CNTNAP5: variants seen among roughly 807,000 people sequenced by gnomAD.
CNTNAP5 encodes the protein contactin-associated protein-like 5.
Under a neutral mutation model 150.2 loss-of-function variants are expected in CNTNAP5, and 72 were observed. That is an observed-to-expected ratio of 0.48 (90% CI 0.40 to 0.58). The LOEUF is 0.58. Among genes scored for constraint, CNTNAP5 ranks in the 20% least tolerant of loss-of-function variants. The pLI is 0.00. For missense variants in CNTNAP5, 1,636 were observed against 1,626.2 expected (o/e 1.01, Z -0.10); for synonymous variants, 672 against 619.8 (o/e 1.08, Z -1.25).
At chr2:124,220,398 A>G (rs1686274168) in intron 1 of CNTNAP5, among the ~76,000 whole-genome samples, 2 of 152,048 alleles carry the variant, frequency 1.3e-5, no homozygotes, top group Admixed American at 1.3e-4. Context: ...TTCCTTTCTT[A>G]TTTCATTAGC....
intron 13 of CNTNAP5, chr2:124,680,833 A>C (rs2105068384): frequency 6.6e-6 from 1 of 151,938 alleles, no homozygotes; most frequent in Non-Finnish European, 1.5e-5. Flanking sequence ...TTGGGTATGA[A>C]CCTTTTTTGT....
intron 19 of CNTNAP5, among the ~76,000 whole-genome samples, chr2:124,843,064 CT>C (rs1682976234): frequency 6.6e-6 from 1 of 151,994 alleles, no homozygotes; most frequent in African/African-American, 2.4e-5. Flanking sequence ...TGCCCCCACC[CT>C]TTCCTGAGTC....
chr2:124,338,517 G>A (rs1467883160), intron 3 of CNTNAP5, among the ~76,000 whole-genome samples: 1 of 152,062 alleles, frequency 6.6e-6, no homozygotes, highest in Non-Finnish European at 1.5e-5. Context: ...TCTAATGCCA[G>A]GAGCTGGCCT....
chr2:124,446,117 C>T (rs1167623181), intron 5 of CNTNAP5, among the ~76,000 whole-genome samples: 6 of 152,130 alleles, frequency 3.9e-5, no homozygotes, highest in Non-Finnish European at 4.4e-5. Context: ...AAGGATGAGG[C>T]AAACCTAGAT....
At chr2:124,328,935 T>C (rs2104677800) in intron 3 of CNTNAP5, among the ~76,000 whole-genome samples, 1 of 152,264 alleles carries the variant, frequency 6.6e-6, no homozygotes, top group East Asian at 1.9e-4. Context: ...TGAACCTGCA[T>C]AACCATGGGA....
At chr2:124,659,004 G>T (rs1420572972) in intron 13 of CNTNAP5, among the ~76,000 whole-genome samples, 3 of 152,100 alleles carry the variant, frequency 2.0e-5, no homozygotes, top group African/African-American at 7.2e-5. Context: ...CAGTTGCTTT[G>T]GTTCAAGCAC....
intron 13 of CNTNAP5, among the ~76,000 whole-genome samples, chr2:124,661,498 T>A (rs895321372): frequency 4.6e-5 from 7 of 152,160 alleles, no homozygotes; most frequent in African/African-American, 7.2e-5. Flanking sequence ...TACATGAAGC[T>A]GTTGTCTCTT....
intron 1 of CNTNAP5, among the ~76,000 whole-genome samples, chr2:124,063,544 G>A (rs1682068910): frequency 6.6e-6 from 1 of 152,122 alleles, no homozygotes; most frequent in African/African-American, 2.4e-5. Flanking sequence ...GGTATAAGGA[G>A]CATTAAATGA....
At chr2:124,881,171 G>T (rs74738465) in intron 21 of CNTNAP5, among the ~76,000 whole-genome samples, 1 of 152,212 alleles carries the variant, frequency 6.6e-6, no homozygotes, top group African/African-American at 2.4e-5. Flanking sequence ...AGCTCTCGTG[G>T]TCAGAGCTGC....
At chr2:124,522,977 T>C (rs1184563483) in intron 8 of CNTNAP5, among the ~76,000 whole-genome samples, 1 of 152,200 alleles carries the variant, frequency 6.6e-6, no homozygotes, top group Non-Finnish European at 1.5e-5. Context: ...GGTGGTGTTG[T>C]TTGCTTACTT....
chr2:124,694,657 A>G (rs2105082859), intron 13 of CNTNAP5, among the ~76,000 whole-genome samples: 1 of 152,328 alleles, frequency 6.6e-6, no homozygotes, highest in African/African-American at 2.4e-5. Context: ...CAAGCTTATT[A>G]TAAATTTACT....
chr2:124,575,673 A>G (rs1696267250), intron 11 of CNTNAP5, among the ~76,000 whole-genome samples: 1 of 152,184 alleles, frequency 6.6e-6, no homozygotes, highest in Non-Finnish European at 1.5e-5. Context: ...GGCTGCAATA[A>G]TTGACTTTTG....
At chr2:124,630,408 G>C (rs1041035360) in intron 12 of CNTNAP5, among the ~76,000 whole-genome samples, 5 of 152,104 alleles carry the variant, frequency 3.3e-5, no homozygotes, top group Admixed American at 6.5e-5. Flanking sequence ...GGCATGCAAG[G>C]CTTGTTCAAC....
At chr2:124,341,591 A>T (rs1689615765) in intron 3 of CNTNAP5, among the ~76,000 whole-genome samples, 1 of 152,172 alleles carries the variant, frequency 6.6e-6, no homozygotes, top group South Asian at 2.1e-4. Context: ...GTGTTTACAG[A>T]GCTCCCATCA....
intron 3 of CNTNAP5, among the ~76,000 whole-genome samples, chr2:124,391,911 G>A (rs778837528): frequency 1.6e-4 from 24 of 152,058 alleles, no homozygotes; most frequent in Non-Finnish European, 2.5e-4. Flanking sequence ...AGCCGAGATC[G>A]CGCCACTGCA....
intron 21 of CNTNAP5, 111 bp from the exon 22 acceptor site, chr2:124,902,771 A>G (rs1678439548): frequency 2.9e-6 from 2 of 695,268 alleles, no homozygotes; most frequent in African/African-American, 1.8e-5. Context: ...CTTTACTCAA[A>G]CAATAACAAG....
At chr2:124,368,998 T>G (rs1010414811) in intron 3 of CNTNAP5, among the ~76,000 whole-genome samples, 1 of 152,134 alleles carries the variant, frequency 6.6e-6, no homozygotes, top group Non-Finnish European at 1.5e-5. Flanking sequence ...AAACAAATAA[T>G]TTTTTAAAAA....
rs535272265 is a variant in CNTNAP5 at position 124,851,090 on chromosome 2, C to T, written c.3218-14216C>T. Among the ~76,000 whole-genome samples, 156 of 152,214 alleles carry T rather than the reference C, an allele frequency of 1.0e-3. 1 individual carries two copies. Among genetic ancestry groups the T allele is most frequent in the African/African-American group, 3.6e-3 (150 of 41,536 alleles). On this transcript the variant is annotated intron_variant, in intron 19 of 23. Transcript: ENST00000682447. ...AACATTAAAAGAGTTGCAGGCCGGG[C>T]GCAATGGCTCATGCCTGGAATTCCA...
intron 1 of CNTNAP5, among the ~76,000 whole-genome samples, chr2:124,070,466 T>TAAAG (rs1320455309): frequency 7.4e-6 from 1 of 135,612 alleles, no homozygotes; most frequent in Admixed American, 7.4e-5. Flanking sequence ...ACCTCACATA[T>TAAAG]AAAGATACAG....
Sources: allele counts gnomAD v4.1 joint callset (sites outside exome capture counted in the v4.1 genomes callset), GRCh38; gene constraint gnomAD v4.1.1; transcripts MANE v1.5; gene names NCBI Gene and HGNC (gene_info 2026-07-23, HGNC 2026-07-21).